MAK: variants seen among roughly 807,000 people sequenced by gnomAD.
The protein encoded by MAK is male germ cell associated kinase.
MAK carries 65 observed loss-of-function variants against 82.6 expected under a neutral mutation model. The observed-to-expected ratio is 0.79, with a 90% CI of 0.64 to 0.97. The LOEUF is 0.97. Ranked by LOEUF, MAK falls within the 50% of genes least tolerant of loss-of-function variation. The pLI is 0.00. For synonymous variants in MAK, 250 were observed against 274.2 expected (o/e 0.91, Z 0.87); for missense variants, 703 against 780.2 (o/e 0.90, Z 1.18).
intron 2 of MAK, among the ~76,000 whole-genome samples, chr6:10,828,033 C>T (rs1374608292): frequency 6.6e-6 from 1 of 151,998 alleles, no homozygotes; most frequent in Non-Finnish European, 1.5e-5. Context: ...TTTTTTAGTT[C>T]ATCAAATCAC....
At chr6:10,766,721 G>T (rs1209931920) in intron 14 of MAK, among the ~76,000 whole-genome samples, 1 of 152,158 alleles carries the variant, frequency 6.6e-6, no homozygotes, top group Non-Finnish European at 1.5e-5. Flanking sequence ...GAGGCAATAA[G>T]CCCCGCTTAT....
At chr6:10,823,643 C>T (rs945712865) in intron 2 of MAK, among the ~76,000 whole-genome samples, 2 of 152,328 alleles carry the variant, frequency 1.3e-5, no homozygotes, top group Non-Finnish European at 2.9e-5. Context: ...GATTCTCCTG[C>T]TTCAGCCTCC....
At chr6:10,805,208 TCTTC>T (rs1366501428) in intron 6 of MAK, among the ~76,000 whole-genome samples, 2 of 152,226 alleles carry the variant, frequency 1.3e-5, no homozygotes, top group Admixed American at 6.5e-5. Flanking sequence ...CGAATAATTA[TCTTC>T]CTTGTTTTTA....
chr6:10,778,163 C>T lies in MAK; in HGVS notation c.1466-2704G>A, dbSNP rs190256349. ...AGTCAGTTAGCAAATATTTACTGAGCACCTACCAGTGCCAGGCAGTGCGTG... is the reference window on the plus strand; with the variant it reads ...AGTCAGTTAGCAAATATTTACTGAGTACCTACCAGTGCCAGGCAGTGCGTG... On this transcript the variant is annotated intron_variant, in intron 11 of 14. Coordinates refer to ENST00000354489, the MANE Select transcript of MAK (RefSeq NM_001242957.3). 1.3e-4 allele frequency among the ~76,000 whole-genome samples: 20 copies of T among 152,244 alleles called. No homozygotes were observed. In the East Asian group the frequency reaches 3.3e-3, roughly 25 times the overall value.
intron 2 of MAK, among the ~76,000 whole-genome samples, chr6:10,825,072 G>C (rs1044876458): frequency 6.6e-6 from 1 of 152,206 alleles, no homozygotes; most frequent in African/African-American, 2.4e-5. Context: ...TTCTGGGGAA[G>C]AATTATCACT....
rs1319255789 is a variant in MAK, at chr6:10,776,475, G to C, written c.1466-1016C>G. On this transcript the variant is annotated intron_variant, in intron 11 of 14. Transcript: ENST00000354489. This position sits in a 1 kb window ranked among gnomAD's most constrained non-coding sequence, Gnocchi z 4.3. ...CTGATAATTAAATTAGAGTGAACTT[G>C]AGCAGTCTATGCCTTTTGGTCATTC... 6.6e-6 allele frequency among the ~76,000 whole-genome samples: 1 copy of C among 152,092 alleles called. No individual in the cohort carries two copies. Among genetic ancestry groups the C allele is most frequent in the Non-Finnish European group, 1.5e-5 (1 of 68,012 alleles).
chr6:10,796,083 A>G lies in MAK; in HGVS notation c.1058T>C (p.Leu353Pro). 1 of 1,614,132 alleles carries G rather than the reference A, an allele frequency of 6.2e-7. No individual in the cohort carries two copies. Among genetic ancestry groups the G allele is most frequent in the Non-Finnish European group, 8.5e-7 (1 of 1,180,026 alleles). The change falls in exon 9 of 15, where the codon CTG becomes CCG. Residue 353 changes from leucine (L) to proline (P), a missense_variant. Physicochemically the swap from Leu to Pro is moderately conservative, Grantham distance 98. Transcript: ENST00000354489. ...TTGCTTTGGAGGTTGCTGGACGCTC[A>G]GGTTCTGTGGCGGCTGAATGGGCTG... The part of the protein sequence containing the change: ...PLQPIQPPQN[L>P]SVQQPPKQQS...
At chr6:10,797,979 G>GT in intron 8 of MAK, 1 of 1,071,286 alleles carries the variant, frequency 9.3e-7, no homozygotes, top group East Asian at 9.1e-5. Flanking sequence ...CACACTGAAG[G>GT]TACTCAAATT....
chr6:10,824,216 G>A (rs1267165464), intron 2 of MAK, among the ~76,000 whole-genome samples: 1 of 152,160 alleles, frequency 6.6e-6, no homozygotes, highest in Non-Finnish European at 1.5e-5. Flanking sequence ...TGGCTTCACA[G>A]TTGCTTAACT....
In MAK at chr6:10,770,401, C is replaced by T. The variant is rs540888497; in HGVS notation, c.1673-171G>A. Among the ~76,000 whole-genome samples the T allele has an allele frequency of 1.3e-5, 2 of 152,262 alleles. 1 individual carries two copies. Among genetic ancestry groups the T allele is most frequent in the South Asian group, 4.1e-4 (2 of 4,822 alleles). ...TTCTTATTCCATCCATACAACAGCC[C>T]GCTTAGATCATATTAGTATCCATAT... On this transcript the variant is annotated intron_variant, in intron 13 of 14. Coordinates refer to ENST00000354489, the MANE Select transcript of MAK (RefSeq NM_001242957.3).
At chr6:10,789,446 A>T (rs973325633) in intron 10 of MAK, among the ~76,000 whole-genome samples, 1 of 152,098 alleles carries the variant, frequency 6.6e-6, no homozygotes, top group African/African-American at 2.4e-5. Context: ...CGTGTGGGGG[A>T]TATGTTCTAA....
At chr6:10,786,621 A>G (rs1318965236) in intron 10 of MAK, among the ~76,000 whole-genome samples, 1 of 109,352 alleles carries the variant, frequency 9.1e-6, no homozygotes, top group African/African-American at 4.2e-5. Context: ...TCACCACTCC[A>G]CTAATGCACC....
chr6:10,798,174 G>C (rs531291921), intron 8 of MAK, among the ~76,000 whole-genome samples: 3 of 139,688 alleles, frequency 2.1e-5, no homozygotes, highest in Non-Finnish European at 4.5e-5. Context: ...CTGGAGTGCA[G>C]TGGCACGATC....
intron 10 of MAK, among the ~76,000 whole-genome samples, chr6:10,788,800 T>G (rs1774823837): frequency 6.6e-6 from 1 of 152,210 alleles, no homozygotes; most frequent in East Asian, 1.9e-4. Context: ...GTCTTCAAAC[T>G]CTTCTGTTCC....
chr6:10,807,454 T>C (rs1400285330), intron 6 of MAK, among the ~76,000 whole-genome samples: 1 of 148,744 alleles, frequency 6.7e-6, no homozygotes, highest in Non-Finnish European at 1.5e-5. Flanking sequence ...GTGATTCTCA[T>C]GCCTCAGCCT....
intron 9 of MAK, among the ~76,000 whole-genome samples, chr6:10,792,473 C>G (rs1775169982): frequency 6.6e-6 from 1 of 152,172 alleles, no homozygotes; most frequent in African/African-American, 2.4e-5. Flanking sequence ...GAGTTTTTGT[C>G]ATAAGTCCCT....
At chr6:10,783,852 C>G (rs1774250150) in intron 11 of MAK, among the ~76,000 whole-genome samples, 1 of 152,100 alleles carries the variant, frequency 6.6e-6, no homozygotes. Context: ...AACACCATCT[C>G]TACTAAAAAT....
intron 10 of MAK, among the ~76,000 whole-genome samples, chr6:10,790,835 G>A (rs147727772): frequency 2.6e-4 from 40 of 152,292 alleles, no homozygotes; most frequent in African/African-American, 7.2e-4. Flanking sequence ...TTGGACCATG[G>A]GAGCAGATCC....
chr6:10,781,859 A>G (rs1006393542), intron 11 of MAK, among the ~76,000 whole-genome samples: 10 of 152,036 alleles, frequency 6.6e-5, no homozygotes, highest in Non-Finnish European at 1.5e-4. Context: ...CCCACTTCCC[A>G]TGTCTCACTC....
Sources: allele counts gnomAD v4.1 joint callset (sites outside exome capture counted in the v4.1 genomes callset), GRCh38; gene constraint gnomAD v4.1.1; non-coding constraint Gnocchi (gnomAD v3.1); transcripts MANE v1.5; gene names NCBI Gene and HGNC (gene_info 2026-07-23, HGNC 2026-07-21).